The following CRISPLD2 variants were observed in gnomAD, a reference collection of about 807,000 sequenced individuals.
CRISPLD2 encodes cysteine rich secretory protein LCCL domain containing 2.
Under a neutral mutation model 71.1 loss-of-function variants are expected in CRISPLD2, and 47 were observed. The observed-to-expected ratio is 0.66, with a 90% CI of 0.52 to 0.84. The LOEUF is 0.84. Among genes scored for constraint, CRISPLD2 ranks in the 40% least tolerant of loss-of-function variants. The pLI, the probability that CRISPLD2 is intolerant of heterozygous loss-of-function variation, is 0.00. For missense variants in CRISPLD2, 830 were observed against 651.1 expected, an observed-to-expected ratio of 1.27 and a Z score of -2.99; for synonymous variants, 317 against 250.1, an observed-to-expected ratio of 1.27 and a Z score of -2.52.
intron 6 of CRISPLD2, among the ~76,000 whole-genome samples, chr16:84,858,169 G>C (rs938706270): frequency 2.0e-5 from 3 of 152,176 alleles, no homozygotes; most frequent in Non-Finnish European, 4.4e-5. Flanking sequence ...ATCCCTATCT[G>C]CCACTGACAC....
In CRISPLD2 at chr16:84,892,616, A is replaced by G. The variant is rs185288146; in HGVS notation, c.1439+3253A>G. ...ATCCTGAGCCCGTTTGGAGATGTGC[A>G]TAAGTGTGAAAAACACACCGCATCT... is the stretch of plus-strand genomic sequence containing the variant. On this transcript the variant is annotated intron_variant, in intron 14 of 14. Transcript: ENST00000262424. Among the ~76,000 whole-genome samples, 123 of 152,222 alleles carry G rather than the reference A, an allele frequency of 8.1e-4. 1 individual carries two copies. The highest frequency in any genetic ancestry group is 2.9e-3 in the African/African-American group (121 of 41,532).
intron 1 of CRISPLD2, among the ~76,000 whole-genome samples, chr16:84,834,089 C>T (rs1013222480): frequency 6.6e-6 from 1 of 152,262 alleles, no homozygotes; most frequent in African/African-American, 2.4e-5. Context: ...ACTTGCTGCT[C>T]GCCCTGGGCA....
chr16:84,851,495 A>T lies in CRISPLD2; in HGVS notation c.608+812A>T, dbSNP rs553467201. Among the ~76,000 whole-genome samples, 9 of 152,356 alleles carry T rather than the reference A, an allele frequency of 5.9e-5. No homozygotes were observed. The East Asian group carries it at 1.7e-3, about 29-fold the overall frequency. On this transcript the variant is annotated intron_variant, in intron 5 of 14. Coordinates refer to ENST00000262424, the MANE Select transcript of CRISPLD2 (RefSeq NM_031476.4). ...TGCTCAGTGACTGAATGAAATGGGA[A>T]TGACCTCATTTATTTGTTTTGGGTC...
rs758616408 is a variant in CRISPLD2 at position 84,889,369 on chromosome 16, G to A, written c.1439+6G>A. 1.9e-6 allele frequency: 3 copies of A among 1,607,294 alleles called. No individual in the cohort carries two copies. The highest frequency in any genetic ancestry group is 1.1e-5 in the South Asian group (1 of 90,262). On this transcript the variant is annotated splice_donor_region_variant and intron_variant, in intron 14 of 14. Coordinates refer to ENST00000262424, the MANE Select transcript of CRISPLD2 (RefSeq NM_031476.4). ...AATGGAGTTCAGTCTGAAAGGTAGG[G>A]TGGTGTTCTCCAACCCTTGACACCC...
In CRISPLD2 at chr16:84,870,294, A is replaced by G. The variant is rs539184641; in HGVS notation, c.914+1383A>G. Among the ~76,000 whole-genome samples the G allele has an allele frequency of 4.6e-5, 7 of 152,192 alleles. No individual in the cohort carries two copies. In the East Asian group the frequency reaches 1.2e-3, roughly 25 times the overall value. On this transcript the variant is annotated intron_variant, in intron 8 of 14. Transcript: ENST00000262424. ...TTCCAGTCTTTTTTTCTGTGTACAG[A>G]TGAGGCTAATGCTGCCCATGTATTT...
At chr16:84,869,482 C>A (rs2071446990) in intron 8 of CRISPLD2, among the ~76,000 whole-genome samples, 1 of 152,180 alleles carries the variant, frequency 6.6e-6, no homozygotes, top group Non-Finnish European at 1.5e-5. Flanking sequence ...TTTTATATCG[C>A]AAGGGTTTGG....
intron 8 of CRISPLD2, among the ~76,000 whole-genome samples, chr16:84,869,617 T>A (rs545689146): frequency 2.0e-5 from 3 of 152,314 alleles, no homozygotes; most frequent in South Asian, 2.1e-4. Context: ...GTTGGTGAGA[T>A]GAGCCTCATG....
In CRISPLD2 at chr16:84,906,849, C is replaced by A. The variant is rs527608139; in HGVS notation, c.*207C>A. ...ATCCCAAGGTGCTCAGCCGGACTCC[C>A]TGGTGCCTGATCCTGCTGGGGCCTG... On this transcript the variant is annotated 3_prime_UTR_variant, in exon 15 of 15. Coordinates refer to ENST00000262424, the MANE Select transcript of CRISPLD2 (RefSeq NM_031476.4). The A allele has an allele frequency of 2.1e-4, 142 of 660,810 alleles. No homozygotes were observed. Among genetic ancestry groups the A allele is most frequent in the African/African-American group, 2.1e-3 (118 of 55,728 alleles). 40.9% of individuals were successfully genotyped at this position (660,810 alleles called of 1,614,324 possible). A position where few individuals can be genotyped will look rare whatever the true frequency, so the allele number is the denominator to read the frequency against.
At chr16:84,898,445 C>G (rs1219841483) in intron 14 of CRISPLD2, among the ~76,000 whole-genome samples, 1 of 152,144 alleles carries the variant, frequency 6.6e-6, no homozygotes, top group Non-Finnish European at 1.5e-5. Flanking sequence ...GCACCAAGAT[C>G]ATGCACACCT....
chr16:84,864,198 G>A (rs1917473363), intron 6 of CRISPLD2, among the ~76,000 whole-genome samples: 1 of 152,066 alleles, frequency 6.6e-6, no homozygotes, highest in Non-Finnish European at 1.5e-5. Context: ...CCTCTGCACG[G>A]AATTTCCCCA....
At position 84,838,416 on chromosome 16, in the gene CRISPLD2, T is replaced by A; in HGVS notation, c.-74-6T>A. 1 of 1,539,638 alleles carries A rather than the reference T, an allele frequency of 6.5e-7. No homozygotes were observed. ...ACTTCTCCCACCACCCTCTGCTTCC[T>A]TTCAGAGCTCAAGCGCCCAGCTCTG... On this transcript the variant is annotated splice_region_variant and splice_polypyrimidine_tract_variant and intron_variant, in intron 1 of 14. Transcript: ENST00000262424.
At chr16:84,823,324 T>C (rs4782661) in intron 1 of CRISPLD2, among the ~76,000 whole-genome samples, 66,303 of 152,164 alleles carry the variant, frequency 0.44, 14,859 homozygotes, top group African/African-American at 0.53. Flanking sequence ...TGAACATTTG[T>C]GTACAAGGTT....
intron 6 of CRISPLD2, among the ~76,000 whole-genome samples, chr16:84,857,214 C>T (rs1394369990): frequency 6.6e-6 from 1 of 152,210 alleles, no homozygotes; most frequent in Non-Finnish European, 1.5e-5. Context: ...TCCACTCCTG[C>T]CAACACGGCT....
chr16:84,844,531 T>G (rs1159858249), intron 2 of CRISPLD2, among the ~76,000 whole-genome samples: 1 of 152,002 alleles, frequency 6.6e-6, no homozygotes, highest in Non-Finnish European at 1.5e-5. Flanking sequence ...CCCGGCTAAT[T>G]TTTGTATCTT....
At chr16:84,866,697 C>T (rs751899262) in intron 6 of CRISPLD2, among the ~76,000 whole-genome samples, 200 bp from the exon 7 acceptor site, 3 of 152,134 alleles carry the variant, frequency 2.0e-5, no homozygotes, top group African/African-American at 4.8e-5. Context: ...GAGCGGAGAG[C>T]GTCCCCGTCT....
intron 13 of CRISPLD2, among the ~76,000 whole-genome samples, chr16:84,885,938 C>G (rs2143334453): frequency 6.6e-6 from 1 of 151,868 alleles, no homozygotes; most frequent in East Asian, 1.9e-4. Context: ...CCCACCTCAG[C>G]CACCCGTGTA....
At chr16:84,870,276 C>T (rs75527205) in intron 8 of CRISPLD2, among the ~76,000 whole-genome samples, 6 of 58,654 alleles carry the variant, frequency 1.0e-4, no homozygotes, top group African/African-American at 4.5e-4. Context: ...TCCTTCCAGT[C>T]TTTTTTTCTG....
chr16:84,835,954 C>A (rs1916607421), intron 1 of CRISPLD2, among the ~76,000 whole-genome samples: 1 of 152,290 alleles, frequency 6.6e-6, no homozygotes, highest in South Asian at 2.1e-4. Flanking sequence ...CCTCCCTGAT[C>A]TGACAATCCA....
At chr16:84,903,121 A>G (rs975342641) in intron 14 of CRISPLD2, among the ~76,000 whole-genome samples, 2 of 151,826 alleles carry the variant, frequency 1.3e-5, no homozygotes, top group African/African-American at 4.8e-5. Flanking sequence ...TAGCAGGGTG[A>G]CTCCGATCTG....
Sources: allele counts gnomAD v4.1 joint callset (sites outside exome capture counted in the v4.1 genomes callset), GRCh38; gene constraint gnomAD v4.1.1; transcripts MANE v1.5; gene names NCBI Gene and HGNC (gene_info 2026-07-23, HGNC 2026-07-21).